The following LAS1L variants were observed in gnomAD, a reference collection of about 807,000 sequenced individuals.
The protein encoded by LAS1L is ribosomal biogenesis protein LAS1L.
A neutral mutation model predicts 57.3 loss-of-function variants in LAS1L; 5 were observed. The observed-to-expected ratio is 0.09, with a 90% CI of 0.05 to 0.18. The LOEUF is 0.18. Ranked by LOEUF, LAS1L falls within the 10% of genes least tolerant of loss-of-function variation. The probability of loss-of-function intolerance (pLI) is 1.00; values close to 1 mark genes in which losing one functional copy is unlikely to be tolerated. For missense variants in LAS1L, 360 were observed against 568.3 expected (o/e 0.63, Z 3.73); for synonymous variants, 245 against 231.7 (o/e 1.06, Z -0.52).
In LAS1L at chrX:65,518,074, C is replaced by T. The variant is rs768219082; in HGVS notation, c.1840G>A (p.Gly614Arg). The T allele has an allele frequency of 7.4e-6, 9 of 1,211,781 alleles. No homozygotes were observed. Among genetic ancestry groups the T allele is most frequent in the South Asian group, 1.8e-5 (1 of 56,955 alleles). ...TTCTCGGCAGTGGGGGACTCTTGCC[C>T]TGTAGAGAAAGGCCCCACCTCCATT... ...DRMEVGPFST[G>R]QESPTAENAR... The change falls in exon 12 of 14, where the codon GGG becomes AGG. Residue 614 changes from glycine (G) to arginine (R), a missense_variant. Coordinates refer to ENST00000374811, the MANE Select transcript of LAS1L (RefSeq NM_031206.7).
rs752812649 is a variant in LAS1L, at chrX:65,531,379, G to A, written c.492C>T (p.Pro164=). ...LRHELTHKKM[P]HINDCRRGCY... is the part of the protein sequence containing the mutation. Reference sequence around the variant, plus strand: ...CACCTCTGCGGCAGTCATTTATATGGGGCATTTTCTTGTGGGTCAACTCAT... The same window carrying A: ...CACCTCTGCGGCAGTCATTTATATGAGGCATTTTCTTGTGGGTCAACTCAT... The change falls in exon 4 of 14, where the codon CCC becomes CCT. Residue 164 remains proline, a synonymous_variant. Coordinates refer to ENST00000374811, the MANE Select transcript of LAS1L (RefSeq NM_031206.7). 3.3e-6 allele frequency: 4 copies of A among 1,207,938 alleles called. No individual in the cohort carries two copies. In the Admixed American group the frequency reaches 6.5e-5, roughly 20 times the overall value.
intron 12 of LAS1L, among the ~76,000 whole-genome samples, chrX:65,517,348 C>T (rs1462433641): frequency 1.8e-5 from 2 of 108,995 alleles, no homozygotes; most frequent in Non-Finnish European, 3.8e-5. Flanking sequence ...CCCAGGTTCA[C>T]GCCATTCTCC....
chrX:65,526,349 T>C (rs942212746), intron 7 of LAS1L, among the ~76,000 whole-genome samples: 1 of 111,492 alleles, frequency 9.0e-6, no homozygotes, highest in Admixed American at 9.5e-5. Flanking sequence ...GCCTGGAAAA[T>C]TGACATACTT....
In LAS1L at chrX:65,532,642, G is replaced by A. The variant is rs2069555929; in HGVS notation, c.363-12C>T. The A allele has an allele frequency of 8.7e-7, 1 of 1,156,014 alleles. No homozygotes were observed. The highest frequency in any genetic ancestry group is 1.8e-5 in the African/African-American group (1 of 56,824). On this transcript the variant is annotated splice_polypyrimidine_tract_variant and intron_variant, in intron 2 of 13. Transcript: ENST00000374811. ...TAAGATTCACAAACCTGGAGTTGAG[G>A]GAGAAATAAGTGGCACAGCCCAAGG...
chrX:65,531,891 A>C (rs2069514751), intron 3 of LAS1L, among the ~76,000 whole-genome samples: 1 of 112,443 alleles, frequency 8.9e-6, no homozygotes, highest in Non-Finnish European at 1.9e-5. Context: ...ACTGCACTCC[A>C]GCTTGGGCAA....
Position 65,523,725 on chromosome X carries a change from A to T in LAS1L, c.1301-18T>A, listed in dbSNP as rs780810063. The T allele has an allele frequency of 2.3e-4, 269 of 1,160,393 alleles. No homozygotes were observed. The highest frequency in any genetic ancestry group is 2.1e-5 in the Non-Finnish European group (18 of 869,233). On this transcript the variant is annotated intron_variant, in intron 10 of 13. Transcript: ENST00000374811. Reference sequence around the variant, plus strand: ...ATTCCGTCCTGAGAGAGAAGAGAGGATCTAAGGAGAAGGAAGCAGTGAGCC... The same window carrying T: ...ATTCCGTCCTGAGAGAGAAGAGAGGTTCTAAGGAGAAGGAAGCAGTGAGCC...
At chrX:65,524,739 CCCCACCCCAT>C in intron 8 of LAS1L, 125 bp from the exon 9 acceptor site, 1 of 448,987 alleles carries the variant, frequency 2.2e-6, no homozygotes, top group Non-Finnish European at 4.0e-6. Flanking sequence ...GACTCCCCGA[CCCCACCCCAT>C]CCCACCCCAC....
rs377315230 is a variant in LAS1L at position 65,531,010 on chromosome X, T to G, written c.514+347A>C. Among the ~76,000 whole-genome samples, 167 of 110,336 alleles carry G rather than the reference T, an allele frequency of 1.5e-3. 2 individuals are homozygous for G. The highest frequency in any genetic ancestry group is 5.4e-3 in the African/African-American group (164 of 30,340). On this transcript the variant is annotated intron_variant, in intron 4 of 13. Transcript: ENST00000374811. ...ACAAACAAACAAACAAAAAACAACTTAAGGGCAGGCAAAAAAACCTCTGTA... is the reference window on the plus strand; with the variant it reads ...ACAAACAAACAAACAAAAAACAACTGAAGGGCAGGCAAAAAAACCTCTGTA...
intron 4 of LAS1L, among the ~76,000 whole-genome samples, chrX:65,530,336 A>C (rs979937273): frequency 1.8e-5 from 2 of 112,035 alleles, no homozygotes; most frequent in Non-Finnish European, 3.8e-5. Context: ...CCCCACCTCA[A>C]CTATGGAGAG....
chrX:65,518,343 G>A lies in LAS1L; in HGVS notation c.1571C>T (p.Pro524Leu). 3 of 1,211,685 alleles carry A rather than the reference G, an allele frequency of 2.5e-6. No homozygotes were observed. Among genetic ancestry groups the A allele is most frequent in the Middle Eastern group, 2.3e-4 (1 of 4,335 alleles). ...TAGTGTATATGGAGACTTCCCAATG[G>A]GGGAGGCCTCAGAGCCCTCCTGCAC... ...SLVQEGSEAS[P>L]IGKSPYTLDS... Residue 524 changes from proline to leucine, a missense_variant, in exon 12 of 14, where the codon CCC becomes CTC. Physicochemically the swap from Pro to Leu is moderately conservative, Grantham distance 98 (BLOSUM62 -3). Coordinates refer to ENST00000374811, the MANE Select transcript of LAS1L (RefSeq NM_031206.7).
rs1357295665 is a variant in LAS1L at position 65,533,576 on chromosome X, G to A, written c.362+34C>T. On this transcript the variant is annotated intron_variant, in intron 2 of 13. Coordinates refer to ENST00000374811, the MANE Select transcript of LAS1L (RefSeq NM_031206.7). ...GCCTCCCCTGCCTCCAGTCCCCAAA[G>A]CCAACCTCCACCCCTACCCCATGCA... is the stretch of plus-strand genomic sequence containing the variant. 2.5e-6 allele frequency: 3 copies of A among 1,201,377 alleles called. No homozygotes were observed. The South Asian group carries it at 5.4e-5, about 22-fold the overall frequency.
intron 11 of LAS1L, chrX:65,522,547 C>CCA (rs2068904431): frequency 1.8e-5 from 2 of 110,879 alleles, no homozygotes; most frequent in African/African-American, 6.6e-5. Context: ...CAGGGGTTTG[C>CCA]AAGTCAGATA....
At chrX:65,530,040 CCT>C (rs930109011) in intron 4 of LAS1L, among the ~76,000 whole-genome samples, 162 bp from the exon 5 acceptor site, 11 of 112,430 alleles carry the variant, frequency 9.8e-5, no homozygotes, top group Admixed American at 8.5e-4. Context: ...GGGTTATCCC[CCT>C]GTTCTTTGCT....
At chrX:65,532,484 T>A (rs1373150272) in intron 3 of LAS1L, 77 bp downstream of exon 3, 1 of 734,042 alleles carries the variant, frequency 1.4e-6, no homozygotes, top group East Asian at 3.2e-5. Flanking sequence ...TCTGACTGTG[T>A]GCCCACAATA....
intron 11 of LAS1L, among the ~76,000 whole-genome samples, chrX:65,519,297 T>G (rs1310668017): frequency 9.0e-6 from 1 of 111,224 alleles, no homozygotes; most frequent in Non-Finnish European, 1.9e-5. Flanking sequence ...TGTGCATTGG[T>G]GTGTGTGTGA....
chrX:65,524,795 G>A (rs1432082925), intron 8 of LAS1L, among the ~76,000 whole-genome samples, 170 bp downstream of exon 8: 5 of 77,799 alleles, frequency 6.4e-5, no homozygotes, highest in Non-Finnish European at 1.1e-4. Context: ...CCCCACAACT[G>A]TCAGTGGGGC....
chrX:65,524,064 G>A lies in LAS1L; in HGVS notation c.1292C>T (p.Thr431Ile). ...GGGCTAGTCTCCCTCACCAGTCTTG[G>A]TGTTGGCCACGATCAGTTCAACGGT... ...RWTVELIVAN[T>I]KTGRNARRFS... The change falls in exon 10 of 14, where the codon ACC (threonine) becomes ATC (isoleucine). Residue 431 changes from threonine to isoleucine, a missense_variant. By Grantham distance (89) the Thr-to-Ile change is moderately conservative (BLOSUM62 -1). Transcript: ENST00000374811. The A allele has an allele frequency of 8.3e-7, 1 of 1,209,977 alleles. No homozygotes were observed. Among genetic ancestry groups the A allele is most frequent in the African/African-American group, 1.7e-5 (1 of 57,810 alleles).
chrX:65,513,831 G>C (rs1176881275), intron 13 of LAS1L, among the ~76,000 whole-genome samples: 1 of 112,444 alleles, frequency 8.9e-6, no homozygotes, highest in Admixed American at 9.4e-5. Context: ...CCAGGGCCAG[G>C]CTGGTTGGGA....
chrX:65,525,195 G>C, intron 7 of LAS1L, 145 bp from the exon 8 acceptor site: 1 of 465,261 alleles, frequency 2.1e-6, no homozygotes, highest in Non-Finnish European at 3.7e-6. Flanking sequence ...GGGTAGGAGT[G>C]GGGAGGAAGG....
Sources: allele counts gnomAD v4.1 joint callset (sites outside exome capture counted in the v4.1 genomes callset), GRCh38; gene constraint gnomAD v4.1.1; transcripts MANE v1.5; gene names NCBI Gene and HGNC (gene_info 2026-07-23, HGNC 2026-07-21).